The following NUP210 variants were observed in gnomAD, a reference collection of about 807,000 sequenced individuals.
NUP210 encodes nuclear pore membrane glycoprotein 210.
A neutral mutation model predicts 196.0 loss-of-function variants in NUP210; 151 were observed. The observed-to-expected ratio is 0.77, with a 90% CI of 0.67 to 0.88. The LOEUF is 0.88. NUP210 is among the 40% of genes least tolerant of loss of function. The pLI is 0.00. For missense variants in NUP210, 2,314 were observed against 2,493.7 expected (o/e 0.93, Z 1.53); for synonymous variants, 1,070 against 1,052.7 (o/e 1.02, Z -0.32).
Position 13,377,669 on chromosome 3 carries a change from AGCCCCACTCCACCCACCTGCAG to A in NUP210, c.1046-129_1046-108del, listed in dbSNP as rs1351294455. 1.4e-5 allele frequency: 11 copies of A among 759,022 alleles called. No individual in the cohort carries two copies. The East Asian group carries it at 1.9e-4, about 13-fold the overall frequency. The allele number at this position is 759,022 out of a possible 1,614,324, so 47.0% of individuals were successfully genotyped here. A position where few individuals can be genotyped will look rare whatever the true frequency, so the allele number is the denominator to read the frequency against. On this transcript the variant is annotated intron_variant, in intron 8 of 39. Coordinates refer to ENST00000254508, the MANE Select transcript of NUP210 (RefSeq NM_024923.4). ...AGGGGCCCTCAGCATCCACACGAGAAGCCCCACTCCACCCACCTGCAGGCCCCACACCACCCACCTGCAGGCC... is the reference window on the plus strand; with the variant it reads ...AGGGGCCCTCAGCATCCACACGAGAAGCCCCACACCACCCACCTGCAGGCC...
chr3:13,376,905 G>A (rs1698929940), intron 9 of NUP210, among the ~76,000 whole-genome samples: 1 of 151,868 alleles, frequency 6.6e-6, no homozygotes, highest in Admixed American at 6.6e-5. Context: ...GCCTGGGGGT[G>A]CTCACTGACG....
Position 13,360,177 on chromosome 3 carries a change from C to T in NUP210, c.2154+93G>A, listed in dbSNP as rs911842115. 7.6e-6 allele frequency: 8 copies of T among 1,050,136 alleles called. No individual in the cohort carries two copies. The South Asian group carries it at 9.0e-5, about 12-fold the overall frequency. The allele number at this position is 1,050,136 out of a possible 1,614,324, so 65.1% of individuals were successfully genotyped here. On this transcript the variant is annotated intron_variant, in intron 15 of 39. Coordinates refer to ENST00000254508, the MANE Select transcript of NUP210 (RefSeq NM_024923.4). ...TACAATAGGAGTGGCTGTCTCTCAG[C>T]GTTACTCCAAGGAGTAAATAAAACA... is the stretch of plus-strand genomic sequence containing the variant.
intron 1 of NUP210, among the ~76,000 whole-genome samples, chr3:13,417,191 T>C (rs1343376278): frequency 6.6e-6 from 1 of 152,148 alleles, no homozygotes; most frequent in Non-Finnish European, 1.5e-5. Flanking sequence ...CAACTCAGTG[T>C]CCATCGCTAC....
intron 10 of NUP210, 76 bp from the exon 11 acceptor site, chr3:13,375,717 A>G (rs974567906): frequency 6.2e-5 from 92 of 1,495,524 alleles, no homozygotes; most frequent in Middle Eastern, 4.4e-4. Flanking sequence ...CCGGACCCCC[A>G]CCCCTCCCTG....
chr3:13,379,445 G>A lies in NUP210; in HGVS notation c.976+118C>T, dbSNP rs1292232004. On this transcript the variant is annotated intron_variant, in intron 7 of 39. Coordinates refer to ENST00000254508, the MANE Select transcript of NUP210 (RefSeq NM_024923.4). This position sits in a 1 kb window ranked among gnomAD's most constrained non-coding sequence, Gnocchi z 4.2. ...CTATTTCAGTTCTTTCTGATTTTCA[G>A]ACCGTTGAGGGGAAACGGCTATTTT... The A allele has an allele frequency of 7.7e-7, 1 of 1,300,688 alleles. No individual in the cohort carries two copies. The highest frequency in any genetic ancestry group is 1.1e-6 in the Non-Finnish European group (1 of 914,358). The allele number at this position is 1,300,688 out of a possible 1,614,324, so 80.6% of individuals were successfully genotyped here. A position where few individuals can be genotyped will look rare whatever the true frequency, so the allele number is the denominator to read the frequency against.
At chr3:13,410,577 G>T (rs1458676791) in intron 1 of NUP210, among the ~76,000 whole-genome samples, 1 of 150,366 alleles carries the variant, frequency 6.7e-6, no homozygotes, top group Non-Finnish European at 1.5e-5. Context: ...CTTGAGACCA[G>T]GAGTTTGAGA....
At chr3:13,354,446 A>C (rs1576376025) in intron 16 of NUP210, 1 of 269,482 alleles carries the variant, frequency 3.7e-6, no homozygotes, top group Non-Finnish European at 7.2e-6. Flanking sequence ...GCTGCTAAAC[A>C]CCCTACGATA....
rs547457213 is a variant in NUP210 at position 13,417,083 on chromosome 3, G to A, written c.167+2977C>T. ...GTCACAAAACCAGTGCTGGCTGGGT[G>A]CAGTTGGAGAGAATTAGAGCCTGGC... On this transcript the variant is annotated intron_variant, in intron 1 of 39. Coordinates refer to ENST00000254508, the MANE Select transcript of NUP210 (RefSeq NM_024923.4). Among the ~76,000 whole-genome samples the A allele has an allele frequency of 7.9e-5, 12 of 152,320 alleles. No individual in the cohort carries two copies. The South Asian group carries it at 2.5e-3, about 32-fold the overall frequency.
At position 13,361,311 on chromosome 3, in the gene NUP210, A is replaced by AAAG. The variant is rs141492496; in HGVS notation, c.1933-823_1933-821dup. Among the ~76,000 whole-genome samples the AAAG allele has an allele frequency of 2.4e-3, 370 of 152,350 alleles. 2 individuals carry two copies. Among genetic ancestry groups the AAAG allele is most frequent in the African/African-American group, 8.5e-3 (354 of 41,586 alleles). On this transcript the variant is annotated intron_variant, in intron 14 of 39. Transcript: ENST00000254508. ...TGGCAAGTAAAACTATGGAGTCCTT[A>AAAG]AAGTACCCAGTAAACAAAGGAAGAA...
intron 1 of NUP210, among the ~76,000 whole-genome samples, chr3:13,400,883 A>G (rs1415913104): frequency 6.6e-6 from 1 of 152,048 alleles, no homozygotes; most frequent in Non-Finnish European, 1.5e-5. Flanking sequence ...CATCCTCCCT[A>G]ACTTTGCCTA....
intron 1 of NUP210, among the ~76,000 whole-genome samples, chr3:13,410,649 G>A (rs1700141665): frequency 6.6e-6 from 1 of 151,230 alleles, no homozygotes; most frequent in Non-Finnish European, 1.5e-5. Flanking sequence ...CGGGCACGGT[G>A]GCTCACACCT....
intron 20 of NUP210, 21 bp from the exon 21 acceptor site, chr3:13,343,324 T>TGGGGGG: frequency 4.7e-6 from 1 of 211,894 alleles, no homozygotes; most frequent in South Asian, 3.7e-5. Context: ...GGGGCGGAGG[T>TGGGGGG]GGAGGGGTGG....
chr3:13,390,563 A>C (rs1303552973), intron 4 of NUP210, among the ~76,000 whole-genome samples: 2 of 152,200 alleles, frequency 1.3e-5, no homozygotes, highest in Non-Finnish European at 2.9e-5. Flanking sequence ...ACTACAAGTA[A>C]ATAGCTCTGG....
chr3:13,352,447 G>A (rs1366086781), intron 18 of NUP210, among the ~76,000 whole-genome samples: 2 of 152,222 alleles, frequency 1.3e-5, no homozygotes, highest in African/African-American at 4.8e-5. Flanking sequence ...AACCCACCAG[G>A]CCCCAGTGGT....
Position 13,377,517 on chromosome 3 carries a change from C to T in NUP210, c.1091G>A (p.Arg364His), listed in dbSNP as rs555632447. 320 of 1,613,890 alleles carry T rather than the reference C, an allele frequency of 2.0e-4. 2 individuals are homozygous for T. The South Asian group carries it at 2.6e-3, about 13-fold the overall frequency. ...PGDRWVLETGRLYEITIEVFD... is the reference protein window; with the variant it reads ...PGDRWVLETGHLYEITIEVFD... ...AACTTCGATGGTGATTTCATACAGG[C>T]GGCCGGTCTCCAGCACCCACCTGTC... The change falls in exon 9 of 40, where the codon CGC becomes CAC. Residue 364 changes from arginine (R) to histidine (H), a missense_variant. By Grantham distance (29) the Arg-to-His change is conservative (BLOSUM62 0). Transcript: ENST00000254508.
Position 13,354,083 on chromosome 3 carries a change from G to A in NUP210, c.2353C>T (p.Pro785Ser). 6.3e-7 allele frequency: 1 copy of A among 1,597,358 alleles called. No individual in the cohort carries two copies. The highest frequency in any genetic ancestry group is 8.5e-7 in the Non-Finnish European group (1 of 1,172,260). ...TCGTAAGCAGCCAGGTCCAGCCGGG[G>A]GTTGCGGTGGCTGGACACTGGGACC... ...QVVPVSSHRN[P>S]RLDLAAYDQE... The change falls in exon 17 of 40, where the codon CCC becomes TCC. Residue 785 changes from proline (P) to serine (S), a missense_variant. Coordinates refer to ENST00000254508, the MANE Select transcript of NUP210 (RefSeq NM_024923.4).
At chr3:13,326,681 C>A (rs765599192) in intron 32 of NUP210, among the ~76,000 whole-genome samples, 15 of 152,246 alleles carry the variant, frequency 9.9e-5, no homozygotes, top group Non-Finnish European at 1.9e-4. Flanking sequence ...TTGCTTAAGT[C>A]TCCCAGCCTG....
In NUP210 at chr3:13,336,838, G is replaced by C. The variant is rs1258024847; in HGVS notation, c.3633C>G (p.His1211Gln). 6.2e-7 allele frequency: 1 copy of C among 1,613,992 alleles called. No individual in the cohort carries two copies. The highest frequency in any genetic ancestry group is 2.2e-5 in the East Asian group (1 of 44,856). ...FGNAVPGLTF[H>Q]WSVTKRDVLD... ...GGACGTCCCGCTTGGTGACAGACCA[G>C]TGGAAGGTCAGGCCTGGCACGGCAT... The change falls in exon 27 of 40, where the codon CAC (histidine) becomes CAG (glutamine). Residue 1211 changes from histidine (H) to glutamine (Q), a missense_variant. Physicochemically the swap from His to Gln is conservative, Grantham distance 24. Coordinates refer to ENST00000254508, the MANE Select transcript of NUP210 (RefSeq NM_024923.4).
intron 36 of NUP210, among the ~76,000 whole-genome samples, chr3:13,321,031 C>A (rs62232823): frequency 6.6e-6 from 1 of 152,398 alleles, no homozygotes; most frequent in Non-Finnish European, 1.5e-5. Flanking sequence ...CCTGCCTCTG[C>A]AGAACATGCG....
Sources: allele counts gnomAD v4.1 joint callset (sites outside exome capture counted in the v4.1 genomes callset), GRCh38; gene constraint gnomAD v4.1.1; non-coding constraint Gnocchi (gnomAD v3.1); transcripts MANE v1.5; gene names NCBI Gene and HGNC (gene_info 2026-07-23, HGNC 2026-07-21).